KCND2: variants seen among roughly 807,000 people sequenced by gnomAD.
The protein encoded by KCND2 is potassium voltage-gated channel subfamily D member 2, also known as A-type voltage-gated potassium channel KCND2.
A neutral mutation model predicts 54.4 loss-of-function variants in KCND2; 16 were observed. The observed-to-expected ratio is 0.29, with a 90% CI of 0.20 to 0.45. The LOEUF (loss-of-function observed/expected upper bound fraction) is 0.45, where lower values mean the gene tolerates loss of function less well. KCND2 is among the 20% of genes least tolerant of loss of function. The pLI, the probability that KCND2 is intolerant of heterozygous loss-of-function variation, is 1.00. For synonymous variants in KCND2, 317 were observed against 310.7 expected (o/e 1.02, Z -0.21); for missense variants, 486 against 824.2 (o/e 0.59, Z 5.02).
chr7:120,648,971 C>G (rs1451382867), intron 1 of KCND2, among the ~76,000 whole-genome samples: 1 of 152,072 alleles, frequency 6.6e-6, no homozygotes, highest in Non-Finnish European at 1.5e-5. Context: ...TTGAATCACA[C>G]TAGTAAAGTA....
chr7:120,703,332 G>A (rs1040745694), intron 1 of KCND2, among the ~76,000 whole-genome samples: 1 of 152,164 alleles, frequency 6.6e-6, no homozygotes, highest in Non-Finnish European at 1.5e-5. Context: ...GCTACTTCAT[G>A]ACAGGAGTCA....
At chr7:120,517,235 ACAAT>A (rs1358057678) in intron 1 of KCND2, among the ~76,000 whole-genome samples, 1 of 152,088 alleles carries the variant, frequency 6.6e-6, no homozygotes, top group African/African-American at 2.4e-5. Flanking sequence ...GTGTTGAGGG[ACAAT>A]CATAGTTAAA....
At chr7:120,617,442 T>C (rs2116495415) in intron 1 of KCND2, among the ~76,000 whole-genome samples, 1 of 152,244 alleles carries the variant, frequency 6.6e-6, no homozygotes, top group African/African-American at 2.4e-5. Flanking sequence ...CACAGTGAGA[T>C]TCTATTTCAC....
intron 1 of KCND2, among the ~76,000 whole-genome samples, chr7:120,519,374 C>T (rs1356426073): frequency 6.6e-6 from 1 of 151,878 alleles, no homozygotes; most frequent in African/African-American, 2.4e-5. Context: ...CAAAACCTGC[C>T]TCTAAGTAGC....
chr7:120,612,763 GT>G (rs1333407028), intron 1 of KCND2, among the ~76,000 whole-genome samples: 1 of 152,070 alleles, frequency 6.6e-6, no homozygotes, highest in Non-Finnish European at 1.5e-5. Context: ...TTCTTATAAT[GT>G]TTTATTGTAC....
intron 1 of KCND2, among the ~76,000 whole-genome samples, chr7:120,461,297 T>C (rs1304354035): frequency 6.6e-6 from 1 of 152,202 alleles, no homozygotes; most frequent in East Asian, 1.9e-4. Flanking sequence ...GTGGAAAATA[T>C]CCACAAGAGC....
At chr7:120,438,890 A>C (rs1044684161) in intron 1 of KCND2, among the ~76,000 whole-genome samples, 22 of 152,118 alleles carry the variant, frequency 1.4e-4, no homozygotes, top group Non-Finnish European at 5.9e-5. Context: ...TATTTTAAGC[A>C]AATTTTCCCA....
chr7:120,461,138 GT>G (rs1802278359), intron 1 of KCND2, among the ~76,000 whole-genome samples: 1 of 152,190 alleles, frequency 6.6e-6, no homozygotes, highest in East Asian at 1.9e-4. Flanking sequence ...TTGCCACTGT[GT>G]TGACATTAGT....
At chr7:120,603,152 C>A (rs1317118988) in intron 1 of KCND2, among the ~76,000 whole-genome samples, 1 of 152,146 alleles carries the variant, frequency 6.6e-6, no homozygotes, top group Non-Finnish European at 1.5e-5. Context: ...ATCTCTGATT[C>A]TTCATCTTTT....
chr7:120,605,928 A>G (rs548747866), intron 1 of KCND2, among the ~76,000 whole-genome samples: 2 of 152,316 alleles, frequency 1.3e-5, no homozygotes, highest in East Asian at 1.9e-4. Context: ...TCCACATGTC[A>G]TAGGAGGGAC....
intron 1 of KCND2, among the ~76,000 whole-genome samples, chr7:120,540,946 A>AT (rs1791972738): frequency 1.3e-5 from 2 of 152,188 alleles, no homozygotes; most frequent in South Asian, 4.1e-4. Context: ...TAGGCTATTC[A>AT]TTTTTAAATG....
chr7:120,680,896 C>G (rs1315600514), intron 1 of KCND2, among the ~76,000 whole-genome samples: 1 of 102,192 alleles, frequency 9.8e-6, no homozygotes, highest in Non-Finnish European at 1.9e-5. Flanking sequence ...CATCCAATAC[C>G]CAAATACTAA....
At chr7:120,717,082 T>C (rs1792612519) in intron 1 of KCND2, among the ~76,000 whole-genome samples, 1 of 152,140 alleles carries the variant, frequency 6.6e-6, no homozygotes. Context: ...TATACTCTAC[T>C]CTTCTTCCTC....
intron 1 of KCND2, among the ~76,000 whole-genome samples, chr7:120,546,187 G>A (rs961358218): frequency 2.0e-5 from 3 of 151,832 alleles, no homozygotes; most frequent in Non-Finnish European, 4.4e-5. Flanking sequence ...GGAAAGTAAT[G>A]ATCTTCTTTA....
chr7:120,626,552 T>C (rs1487652297), intron 1 of KCND2, among the ~76,000 whole-genome samples: 1 of 152,136 alleles, frequency 6.6e-6, no homozygotes, highest in Non-Finnish European at 1.5e-5. Context: ...CAACACTATT[T>C]AAGTCCAACA....
At chr7:120,670,985 T>G (rs868823203) in intron 1 of KCND2, among the ~76,000 whole-genome samples, 1 of 150,224 alleles carries the variant, frequency 6.7e-6, no homozygotes, top group Non-Finnish European at 1.5e-5. Flanking sequence ...CTGAAAAGAT[T>G]GCTAGTCCTT....
rs1554384942 is a variant in KCND2 at position 120,677,524 on chromosome 7, TATATAG to T, written c.1116-55355_1116-55350del. On this transcript the variant is annotated intron_variant, in intron 1 of 5. Transcript: ENST00000331113. The stretch of plus-strand genomic sequence containing the variant: ...TTGGTGGTAAGAATTCAAATATATA[TATATAG>T]ATATAGATATAGATATAGATATATA... 6.3e-3 allele frequency among the ~76,000 whole-genome samples: 812 copies of T among 128,964 alleles called. 5 individuals carry two copies. Among genetic ancestry groups the T allele is most frequent in the African/African-American group, 0.019 (539 of 28,934 alleles). The allele number at this position is 128,964 out of a possible 152,430, so 84.6% of individuals were successfully genotyped here.
chr7:120,594,539 G>A (rs537552016), intron 1 of KCND2, among the ~76,000 whole-genome samples: 2 of 152,224 alleles, frequency 1.3e-5, no homozygotes, highest in Admixed American at 6.5e-5. Context: ...CTAAATTACT[G>A]CCCAAAAGCC....
chr7:120,577,903 G>GA (rs1792457857), intron 1 of KCND2, among the ~76,000 whole-genome samples: 1 of 152,032 alleles, frequency 6.6e-6, no homozygotes, highest in South Asian at 2.1e-4. Context: ...GTATTTTTAA[G>GA]AAAAAATACA....
Sources: allele counts gnomAD v4.1 joint callset (sites outside exome capture counted in the v4.1 genomes callset), GRCh38; gene constraint gnomAD v4.1.1; transcripts MANE v1.5; gene names NCBI Gene and HGNC (gene_info 2026-07-23, HGNC 2026-07-21).